NID1: variants seen among roughly 807,000 people sequenced by gnomAD.
NID1 encodes the protein nidogen-1.
Under a neutral mutation model 130.6 loss-of-function variants are expected in NID1, and 76 were observed. The observed-to-expected ratio is 0.58, with a 90% confidence interval of 0.48 to 0.70. The LOEUF is 0.70. Ranked by LOEUF, NID1 falls within the 30% of genes least tolerant of loss-of-function variation. The probability of loss-of-function intolerance (pLI) is 0.00; values close to 1 mark genes in which losing one functional copy is unlikely to be tolerated. For synonymous variants in NID1, 665 were observed against 675.1 expected, an observed-to-expected ratio of 0.98 and a Z score of 0.23; for missense variants, 1,517 against 1,664.8, an observed-to-expected ratio of 0.91 and a Z score of 1.54.
In NID1 at chr1:236,024,106, A is replaced by C. The variant is rs748317049; in HGVS notation, c.2092T>G (p.Ser698Ala). ...GPRTQFTCEC[S>A]IGFRGDGRTC... ...CGCCCGTCTCCTCGGAAGCCGATGG[A>C]GCACTCGCAGGTGAACTGTGTCCTG... Residue 698 changes from serine (S) to alanine (A), a missense_variant, in exon 9 of 20, where the codon TCC (serine) becomes GCC (alanine). Coordinates refer to ENST00000264187, the MANE Select transcript of NID1 (RefSeq NM_002508.3). 52 of 1,614,200 alleles carry C rather than the reference A, an allele frequency of 3.2e-5. No homozygotes were observed. The highest frequency in any genetic ancestry group is 4.2e-5 in the Non-Finnish European group (50 of 1,180,028).
In NID1 at chr1:236,032,445, A is replaced by G. The variant is rs758402340; in HGVS notation, c.1493T>C (p.Phe498Ser). 2.5e-6 allele frequency: 4 copies of G among 1,614,084 alleles called. No individual in the cohort carries two copies. Among genetic ancestry groups the G allele is most frequent in the South Asian group, 2.2e-5 (2 of 91,064 alleles). ...APVGGIIGWM[F>S]AVEQDGFKNG... ...CTTGAATCCGTCCTGCTCCACTGCA[A>G]ACATCCATCCAATGATGCCTCCAAC... Residue 498 changes from phenylalanine (F) to serine (S), a missense_variant, in exon 6 of 20, where the codon TTT (phenylalanine) becomes TCT (serine). Physicochemically the swap from Phe to Ser is radical, Grantham distance 155. Coordinates refer to ENST00000264187, the MANE Select transcript of NID1 (RefSeq NM_002508.3).
chr1:236,052,399 G>A (rs904567480), intron 1 of NID1, among the ~76,000 whole-genome samples: 7 of 152,172 alleles, frequency 4.6e-5, no homozygotes, highest in Non-Finnish European at 1.5e-5. Flanking sequence ...AAGGGCACTG[G>A]GCCGGGGAGT....
intron 5 of NID1, among the ~76,000 whole-genome samples, chr1:236,037,686 C>T (rs1659301095): frequency 6.6e-6 from 1 of 150,848 alleles, no homozygotes; most frequent in Non-Finnish European, 1.5e-5. Context: ...GGTCTGTGAG[C>T]AACACAACAT....
chr1:236,019,114 C>T (rs768348200), intron 9 of NID1, among the ~76,000 whole-genome samples: 2 of 152,250 alleles, frequency 1.3e-5, no homozygotes, highest in Non-Finnish European at 2.9e-5. Flanking sequence ...AGGACTGAAC[C>T]AGGCACTGCC....
At chr1:236,003,894 G>A (rs903944301) in intron 12 of NID1, among the ~76,000 whole-genome samples, 5 of 151,572 alleles carry the variant, frequency 3.3e-5, no homozygotes, top group Non-Finnish European at 4.4e-5. Flanking sequence ...ATAGCCAAGC[G>A]TGGTGGCACA....
At chr1:236,029,396 A>G (rs1659030433) in intron 7 of NID1, among the ~76,000 whole-genome samples, 154 bp downstream of exon 7, 1 of 152,156 alleles carries the variant, frequency 6.6e-6, no homozygotes, top group African/African-American at 2.4e-5. Context: ...AGTGCGTCCT[A>G]TGTCTATAAT....
chr1:236,034,076 A>T (rs1659174146), intron 5 of NID1, among the ~76,000 whole-genome samples: 1 of 152,192 alleles, frequency 6.6e-6, no homozygotes, highest in Non-Finnish European at 1.5e-5. Context: ...TAACTGATGA[A>T]TGGATAAACA....
intron 7 of NID1, among the ~76,000 whole-genome samples, chr1:236,028,328 T>G (rs1277200222): frequency 6.6e-6 from 1 of 152,164 alleles, no homozygotes; most frequent in Non-Finnish European, 1.5e-5. Flanking sequence ...ATGGGTAACA[T>G]GGCAAAACCC....
intron 10 of NID1, among the ~76,000 whole-genome samples, chr1:236,016,440 A>T (rs1361495689): frequency 2.0e-5 from 3 of 152,140 alleles, no homozygotes; most frequent in Non-Finnish European, 4.4e-5. Context: ...TTGGGAAGAC[A>T]TGTTGAGTTC....
intron 2 of NID1, among the ~76,000 whole-genome samples, chr1:236,048,096 G>T (rs1004900317): frequency 2.7e-5 from 4 of 148,914 alleles, no homozygotes; most frequent in African/African-American, 7.5e-5. Flanking sequence ...CACTTTGGGA[G>T]GCTGAGAAGG....
At chr1:236,055,887 A>G (rs1280867161) in intron 1 of NID1, among the ~76,000 whole-genome samples, 1 of 152,198 alleles carries the variant, frequency 6.6e-6, no homozygotes, top group East Asian at 1.9e-4. Context: ...ATACAGGTAT[A>G]TGTTGTGAAA....
Position 235,979,814 on chromosome 1 carries a change from T to G in NID1, c.3509+8A>C. 6.2e-7 allele frequency: 1 copy of G among 1,613,422 alleles called. No individual in the cohort carries two copies. Among genetic ancestry groups the G allele is most frequent in the Non-Finnish European group, 8.5e-7 (1 of 1,179,556 alleles). ...CCCACGCAGCCCCCATGGCTACAGC[T>G]GACGTACATCTTCCAGTCTGTGAAA... On this transcript the variant is annotated splice_region_variant and intron_variant, in intron 18 of 19. Transcript: ENST00000264187. This position sits in a 1 kb window ranked among gnomAD's most constrained non-coding sequence, Gnocchi z 4.6.
Position 235,979,282 on chromosome 1 carries a change from T to C in NID1, c.3510-175A>G, listed in dbSNP as rs1657362851. Among the ~76,000 whole-genome samples the C allele has an allele frequency of 6.6e-6, 1 of 152,150 alleles. No homozygotes were observed. The highest frequency in any genetic ancestry group is 2.4e-5 in the African/African-American group (1 of 41,414). ...GGGGTGGGTCAAGCCTGCATTTCTCTGGCTTTTTACAAAAGGGTAAAGACC... is the reference window on the plus strand; with the variant it reads ...GGGGTGGGTCAAGCCTGCATTTCTCCGGCTTTTTACAAAAGGGTAAAGACC... On this transcript the variant is annotated intron_variant, in intron 18 of 19. Coordinates refer to ENST00000264187, the MANE Select transcript of NID1 (RefSeq NM_002508.3). This position sits in a 1 kb window ranked among gnomAD's most constrained non-coding sequence, Gnocchi z 4.6.
intron 10 of NID1, among the ~76,000 whole-genome samples, chr1:236,016,794 A>G (rs775251038): frequency 6.6e-6 from 1 of 152,080 alleles, no homozygotes; most frequent in Non-Finnish European, 1.5e-5. Flanking sequence ...TGCTCCCTCA[A>G]TGTGAACCCC....
intron 10 of NID1, among the ~76,000 whole-genome samples, chr1:236,015,742 G>T (rs16833108): frequency 0.13 from 19,631 of 151,456 alleles, 1,601 homozygotes; most frequent in South Asian, 0.26. Flanking sequence ...AGCTCCTGAG[G>T]CACCTCCAAG....
chr1:236,032,561 G>A lies in NID1; in HGVS notation c.1377C>T (p.His459=), dbSNP rs758164942. ...VPIVFENTDL[H]SYVVMNHGRS... ...GCCCGTGGTTCATTACTACGTAAGA[G>A]TGGAGGTCAGTGTTCTCAAAGACAA... Residue 459 remains histidine, a synonymous_variant, in exon 6 of 20, where the codon CAC becomes CAT. Transcript: ENST00000264187. 4 of 1,614,184 alleles carry A rather than the reference G, an allele frequency of 2.5e-6. No homozygotes were observed. Among genetic ancestry groups the A allele is most frequent in the Non-Finnish European group, 3.4e-6 (4 of 1,180,042 alleles).
rs1194538533 is a variant in NID1 at position 235,977,483 on chromosome 1, C to T, written c.*384G>A. ...TGACAGGACGGTGGGTACCTCAAAG[C>T]GAGGCTGAGCTCATAAGGCCACAGG... On this transcript the variant is annotated 3_prime_UTR_variant, in exon 20 of 20. Transcript: ENST00000264187. 10 of 169,794 alleles carry T rather than the reference C, an allele frequency of 5.9e-5. No homozygotes were observed. Among genetic ancestry groups the T allele is most frequent in the South Asian group, 1.5e-4 (1 of 6,614 alleles). 10.5% of individuals were successfully genotyped at this position (169,794 alleles called of 1,614,324 possible).
chr1:236,064,572 GCCGCCGGGGAGGAAGCTCCGCGGGGT>G (rs1163972002), intron 1 of NID1: 1 of 407,630 alleles, frequency 2.5e-6, no homozygotes, highest in Non-Finnish European at 4.5e-6. Context: ...GCAGCCCACA[GCCGCCGGGGAGGAAGCTCCGCGGGGT>G]CCATGGGTGC....
At chr1:235,986,894 G>A (rs1657590251) in intron 14 of NID1, among the ~76,000 whole-genome samples, 1 of 152,246 alleles carries the variant, frequency 6.6e-6, no homozygotes, top group Admixed American at 6.5e-5. Context: ...ATTAAGGAAA[G>A]AGAACATTTC....
Sources: gnomAD v4.1 joint callset for allele counts (sites outside exome capture counted in the v4.1 genomes callset) on GRCh38, gnomAD v4.1.1 for gene constraint, Gnocchi (gnomAD v3.1) non-coding constraint, MANE v1.5 for transcripts, NCBI Gene and HGNC (gene_info 2026-07-23, HGNC 2026-07-21) for gene names.